The following SPAG17 variants were observed in gnomAD, a reference collection of about 807,000 sequenced individuals.
The protein encoded by SPAG17 is sperm associated antigen 17.
Under a neutral mutation model 273.6 loss-of-function variants are expected in SPAG17, and 169 were observed. The observed-to-expected ratio is 0.62, with a 90% confidence interval of 0.55 to 0.70. The LOEUF (loss-of-function observed/expected upper bound fraction) is 0.70. Among genes scored for constraint, SPAG17 ranks in the 30% least tolerant of loss-of-function variants. The probability of loss-of-function intolerance (pLI) is 0.00; values close to 1 mark genes in which losing one functional copy is unlikely to be tolerated. For synonymous variants in SPAG17, 825 were observed against 873.2 expected, an observed-to-expected ratio of 0.94 and a Z score of 0.97; for missense variants, 2,557 against 2,627.8, an observed-to-expected ratio of 0.97 and a Z score of 0.59.
At position 118,091,717 on chromosome 1, in the gene SPAG17, C is replaced by T. The variant is rs1362032927; in HGVS notation, c.1248G>A (p.Val416=). The T allele has an allele frequency of 1.3e-6, 2 of 1,568,028 alleles. No individual in the cohort carries two copies. The highest frequency in any genetic ancestry group is 1.8e-6 in the Non-Finnish European group (2 of 1,139,250). ...CTACTTCAGTTGTGATGACTGAAGT[C>T]ACTGTAAAATATAGAAAATACCATT... The part of the protein sequence containing the change: ...QYEEPQAPPP[V]TSVITTEVDM... The change falls in exon 10 of 49, where the codon GTG becomes GTA. Residue 416 remains valine, a splice_region_variant and synonymous_variant. Coordinates refer to ENST00000336338, the MANE Select transcript of SPAG17 (RefSeq NM_206996.4).
At chr1:118,167,095 ATTT>A (rs1209121236) in intron 1 of SPAG17, among the ~76,000 whole-genome samples, 1 of 152,148 alleles carries the variant, frequency 6.6e-6, no homozygotes, top group Admixed American at 6.5e-5. Context: ...CTTTGATAAA[ATTT>A]TTATTTCAAA....
At chr1:118,157,695 C>T (rs1030116694) in intron 1 of SPAG17, among the ~76,000 whole-genome samples, 2 of 152,120 alleles carry the variant, frequency 1.3e-5, no homozygotes, top group African/African-American at 4.8e-5. Context: ...AGCCCAGATT[C>T]GAATCTCAGT....
intron 3 of SPAG17, among the ~76,000 whole-genome samples, chr1:118,144,332 G>T (rs1208438193): frequency 1.3e-5 from 2 of 152,120 alleles, no homozygotes; most frequent in African/African-American, 2.4e-5. Context: ...ACATCTGACT[G>T]CTCTTTTCCC....
intron 30 of SPAG17, 120 bp downstream of exon 30, chr1:118,012,108 G>T: frequency 2.2e-6 from 2 of 909,906 alleles, no homozygotes; most frequent in Non-Finnish European, 3.2e-6. Context: ...TTCTTTAGTT[G>T]GCTAACTTTA....
chr1:118,023,236 T>A, intron 28 of SPAG17, 68 bp downstream of exon 28: 2 of 1,153,416 alleles, frequency 1.7e-6, no homozygotes, highest in Middle Eastern at 3.0e-4. Flanking sequence ...AATAATAATA[T>A]TGAACACTTA....
At chr1:118,031,933 C>T in intron 24 of SPAG17, 66 bp from the exon 25 acceptor site, 1 of 1,305,978 alleles carries the variant, frequency 7.7e-7, no homozygotes, top group South Asian at 1.6e-5. Flanking sequence ...TGTGAAATAA[C>T]ATTTACAACT....
chr1:118,010,548 T>G (rs1659367431), intron 30 of SPAG17, among the ~76,000 whole-genome samples: 1 of 152,104 alleles, frequency 6.6e-6, no homozygotes, highest in Admixed American at 6.5e-5. Flanking sequence ...CCTTACACCA[T>G]ATAGAATAAT....
chr1:118,147,987 TA>T (rs1659129222), intron 3 of SPAG17, among the ~76,000 whole-genome samples: 1 of 152,170 alleles, frequency 6.6e-6, no homozygotes, highest in Non-Finnish European at 1.5e-5. Flanking sequence ...GATTTAAAGC[TA>T]ACGAGAGTAC....
At chr1:118,125,811 G>A (rs562652192) in intron 3 of SPAG17, among the ~76,000 whole-genome samples, 2 of 152,278 alleles carry the variant, frequency 1.3e-5, no homozygotes, top group African/African-American at 2.4e-5. Context: ...CTTGGCTACT[G>A]TGAATAGTGC....
chr1:118,148,189 G>A (rs965399578), intron 3 of SPAG17, among the ~76,000 whole-genome samples: 3 of 152,148 alleles, frequency 2.0e-5, no homozygotes, highest in Non-Finnish European at 4.4e-5. Context: ...TCGCTCCTCA[G>A]GAGTTTACCA....
Position 118,086,889 on chromosome 1 carries a change from G to A in SPAG17, c.1479C>T (p.Leu493=), listed in dbSNP as rs375940639. The A allele has an allele frequency of 6.2e-7, 1 of 1,613,950 alleles. No homozygotes were observed. Among genetic ancestry groups the A allele is most frequent in the Non-Finnish European group, 8.5e-7 (1 of 1,180,004 alleles). Residue 493 remains leucine, a synonymous_variant, in exon 11 of 49, where the codon CTC becomes CTT. Transcript: ENST00000336338. The part of the protein sequence containing the change: ...HIVSLLPSLC[L]SEREKKNLHD... ...ATCTGACCTTTTTCTCCCTCTCTGA[G>A]AGACAGAGTGAGGGCAGAAGGGACA...
chr1:118,125,361 T>C (rs1249364038), intron 3 of SPAG17, among the ~76,000 whole-genome samples: 1 of 152,172 alleles, frequency 6.6e-6, no homozygotes, highest in Non-Finnish European at 1.5e-5. Flanking sequence ...CCTCAAACAC[T>C]TATCATTTCT....
chr1:118,003,203 T>A (rs1034071843), intron 32 of SPAG17, among the ~76,000 whole-genome samples: 2 of 152,246 alleles, frequency 1.3e-5, no homozygotes, highest in African/African-American at 4.8e-5. Context: ...CCACTGTCAG[T>A]CTGATGGGCT....
At chr1:118,126,690 G>A (rs533058377) in intron 3 of SPAG17, among the ~76,000 whole-genome samples, 1 of 152,166 alleles carries the variant, frequency 6.6e-6, no homozygotes, top group South Asian at 2.1e-4. Flanking sequence ...TTAGTTTGAT[G>A]TAATCCCATT....
chr1:118,089,343 G>A (rs574230114), intron 10 of SPAG17, among the ~76,000 whole-genome samples: 3 of 151,760 alleles, frequency 2.0e-5, no homozygotes, highest in Admixed American at 2.0e-4. Flanking sequence ...GTGTGTGTGT[G>A]TGTGTGTGTG....
intron 1 of SPAG17, among the ~76,000 whole-genome samples, chr1:118,156,664 G>T (rs926089508): frequency 1.3e-5 from 2 of 152,170 alleles, no homozygotes; most frequent in Non-Finnish European, 2.9e-5. Flanking sequence ...ATCCAAATCT[G>T]CATTGCCTAT....
At chr1:118,072,423 C>T (rs893338458) in intron 17 of SPAG17, among the ~76,000 whole-genome samples, 32 of 152,146 alleles carry the variant, frequency 2.1e-4, no homozygotes, top group African/African-American at 6.5e-4. Flanking sequence ...GCCCGGATGA[C>T]GGTAAAGGGA....
At position 118,036,597 on chromosome 1, in the gene SPAG17, T is replaced by G. The variant is rs560842733; in HGVS notation, c.3433+173A>C. 8 of 531,478 alleles carry G rather than the reference T, an allele frequency of 1.5e-5. No individual in the cohort carries two copies. In the South Asian group the frequency reaches 1.8e-4, roughly 12 times the overall value. 32.9% of individuals were successfully genotyped at this position (531,478 alleles called of 1,614,324 possible). ...TATATATATACTGTATACACACATA[T>G]ATAGACACACACACACACACACACA... On this transcript the variant is annotated intron_variant, in intron 24 of 48. Coordinates refer to ENST00000336338, the MANE Select transcript of SPAG17 (RefSeq NM_206996.4).
intron 15 of SPAG17, among the ~76,000 whole-genome samples, chr1:118,080,890 G>A (rs1021799323): frequency 6.6e-6 from 1 of 152,132 alleles, no homozygotes; most frequent in Non-Finnish European, 1.5e-5. Flanking sequence ...ATTTACTAAG[G>A]TTAAGTGTGG....
Sources: allele counts gnomAD v4.1 joint callset (sites outside exome capture counted in the v4.1 genomes callset), GRCh38; gene constraint gnomAD v4.1.1; transcripts MANE v1.5; gene names NCBI Gene and HGNC (gene_info 2026-07-23, HGNC 2026-07-21).